SBF2: variants seen among roughly 807,000 people sequenced by gnomAD.
The protein encoded by SBF2 is myotubularin-related protein 13.
In SBF2, 112 loss-of-function variants were observed where a neutral mutation model predicts 225.2. That is an observed-to-expected ratio of 0.50 (90% CI 0.43 to 0.58). The LOEUF is 0.58. SBF2 is among the 20% of genes least tolerant of loss of function. The pLI, the probability that SBF2 is intolerant of heterozygous loss-of-function variation, is 0.00. For synonymous variants in SBF2, 763 were observed against 773.3 expected, an observed-to-expected ratio of 0.99 and a Z score of 0.22; for missense variants, 1,996 against 2,206.2, an observed-to-expected ratio of 0.90 and a Z score of 1.91.
At chr11:9,905,621 A>G (rs1172166691) in intron 16 of SBF2, among the ~76,000 whole-genome samples, 1 of 152,218 alleles carries the variant, frequency 6.6e-6, no homozygotes, top group Non-Finnish European at 1.5e-5. Context: ...CTTAAATTAG[A>G]GGACAATGAT....
chr11:9,910,457 C>T (rs1457491041), intron 16 of SBF2, among the ~76,000 whole-genome samples: 1 of 152,048 alleles, frequency 6.6e-6, no homozygotes, highest in Non-Finnish European at 1.5e-5. Context: ...TTTTAGAGTA[C>T]ACTTCTACTT....
Position 10,022,987 on chromosome 11 carries a change from T to C in SBF2, c.619+5465A>G, listed in dbSNP as rs554228405. Reference sequence around the variant, plus strand: ...TAAGGTTATAACGGCACATAATACTTGCTTGTTTTTCTTTCTGTGGTAACA... The same window carrying C: ...TAAGGTTATAACGGCACATAATACTCGCTTGTTTTTCTTTCTGTGGTAACA... On this transcript the variant is annotated intron_variant, in intron 6 of 39. Coordinates refer to ENST00000256190, the MANE Select transcript of SBF2 (RefSeq NM_030962.4). Among the ~76,000 whole-genome samples the C allele has an allele frequency of 4.6e-5, 7 of 152,276 alleles. No homozygotes were observed. The South Asian group carries it at 1.5e-3, about 32-fold the overall frequency.
chr11:10,255,673 T>G (rs1486440423), intron 1 of SBF2, among the ~76,000 whole-genome samples: 2 of 152,230 alleles, frequency 1.3e-5, no homozygotes, highest in African/African-American at 4.8e-5. Context: ...TTTTCACATT[T>G]ATTATCTCTG....
At chr11:9,958,637 C>G in intron 16 of SBF2, 1 of 263,686 alleles carries the variant, frequency 3.8e-6, no homozygotes, top group African/African-American at 2.3e-5. Flanking sequence ...GGATTACAGG[C>G]GTGAGCATCC....
intron 1 of SBF2, among the ~76,000 whole-genome samples, chr11:10,256,300 T>A (rs1960860484): frequency 1.3e-5 from 2 of 152,190 alleles, no homozygotes; most frequent in Non-Finnish European, 2.9e-5. Context: ...ACTACTCTCT[T>A]TCTACTACAT....
At chr11:9,803,357 T>C (rs1456855935) in intron 32 of SBF2, among the ~76,000 whole-genome samples, 2 of 152,200 alleles carry the variant, frequency 1.3e-5, no homozygotes, top group African/African-American at 2.4e-5. Flanking sequence ...CTAAAGATAA[T>C]AGGAATGTAA....
chr11:9,924,257 G>A (rs1774436196), intron 16 of SBF2, among the ~76,000 whole-genome samples: 1 of 152,100 alleles, frequency 6.6e-6, no homozygotes, highest in Non-Finnish European at 1.5e-5. Flanking sequence ...TCCACTTTTA[G>A]TATAGTATTC....
chr11:10,265,497 G>C (rs1304461837), intron 1 of SBF2, among the ~76,000 whole-genome samples: 8 of 112,758 alleles, frequency 7.1e-5, no homozygotes, highest in African/African-American at 1.4e-4. Context: ...AGAAATCGGG[G>C]GGGGGGAGAG....
At chr11:10,001,783 A>C (rs1025947522) in intron 7 of SBF2, among the ~76,000 whole-genome samples, 5 of 152,054 alleles carry the variant, frequency 3.3e-5, no homozygotes, top group Non-Finnish European at 5.9e-5. Context: ...GCCTCGGCCT[A>C]CCAAAGTGCT....
At chr11:9,907,852 A>T (rs1018614336) in intron 16 of SBF2, among the ~76,000 whole-genome samples, 1 of 152,230 alleles carries the variant, frequency 6.6e-6, no homozygotes, top group African/African-American at 2.4e-5. Context: ...TCTTCACAAC[A>T]TCTCGATTAG....
chr11:9,927,174 T>C (rs1377512506), intron 16 of SBF2, among the ~76,000 whole-genome samples: 2 of 152,188 alleles, frequency 1.3e-5, no homozygotes, highest in Non-Finnish European at 2.9e-5. Flanking sequence ...AAGATACCAA[T>C]TGCTAAATAC....
chr11:10,076,643 GCAGCAGGC>G (rs902834540), intron 2 of SBF2, among the ~76,000 whole-genome samples: 1 of 152,208 alleles, frequency 6.6e-6, no homozygotes, highest in African/African-American at 2.4e-5. Context: ...CATACCACTG[GCAGCAGGC>G]CATGGGAGGG....
At chr11:10,258,171 C>T (rs940787158) in intron 1 of SBF2, among the ~76,000 whole-genome samples, 1 of 151,100 alleles carries the variant, frequency 6.6e-6, no homozygotes, top group African/African-American at 2.4e-5. Context: ...GTGGTGCGAT[C>T]AAACCTCATT....
chr11:10,070,674 AG>A (rs1231995854), intron 2 of SBF2, among the ~76,000 whole-genome samples: 1 of 152,190 alleles, frequency 6.6e-6, no homozygotes. Context: ...ACTTTAAAAT[AG>A]TTTTTTTCCA....
At chr11:9,912,844 A>T (rs1309002497) in intron 16 of SBF2, among the ~76,000 whole-genome samples, 2 of 152,258 alleles carry the variant, frequency 1.3e-5, no homozygotes, top group Admixed American at 1.3e-4. Flanking sequence ...GAAGAGTCAA[A>T]TGACAAGTCA....
chr11:10,006,022 G>C (rs1459823442), intron 6 of SBF2, among the ~76,000 whole-genome samples: 1 of 152,078 alleles, frequency 6.6e-6, no homozygotes, highest in East Asian at 1.9e-4. Context: ...GAGTGGTAGG[G>C]CTAAAGCCTA....
At chr11:10,075,238 C>A (rs562145140) in intron 2 of SBF2, among the ~76,000 whole-genome samples, 1 of 152,310 alleles carries the variant, frequency 6.6e-6, no homozygotes, top group East Asian at 1.9e-4. Flanking sequence ...TCCTTGAACA[C>A]AAAATACATC....
rs74930391 is a variant in SBF2, at chr11:9,806,944, A to G, written c.4443+1056T>C. On this transcript the variant is annotated intron_variant, in intron 32 of 39. Coordinates refer to ENST00000256190, the MANE Select transcript of SBF2 (RefSeq NM_030962.4). ...TACAAAAATTATGTAGTGATCTGGA[A>G]AGTTGATCAAGTGATTACTAGAATA... is the stretch of plus-strand genomic sequence containing the variant. Among the ~76,000 whole-genome samples the G allele has an allele frequency of 3.5e-4, 53 of 152,358 alleles. No homozygotes were observed. In the East Asian group the frequency reaches 0.01, roughly 29 times the overall value.
At chr11:10,214,176 A>T (rs1375991827) in intron 1 of SBF2, among the ~76,000 whole-genome samples, 1 of 152,192 alleles carries the variant, frequency 6.6e-6, no homozygotes, top group Non-Finnish European at 1.5e-5. Context: ...CCTGTGCAGC[A>T]GCATTCTTGG....
Sources: allele counts gnomAD v4.1 joint callset (sites outside exome capture counted in the v4.1 genomes callset), GRCh38; gene constraint gnomAD v4.1.1; transcripts MANE v1.5; gene names NCBI Gene and HGNC (gene_info 2026-07-23, HGNC 2026-07-21).